SLC7A13: variants seen among roughly 807,000 people sequenced by gnomAD.
SLC7A13 encodes the protein X-amino acid transporter 2.
SLC7A13 carries 31 observed loss-of-function variants against 32.0 expected under a neutral mutation model. The ratio of observed to expected loss-of-function variants is 0.97; its 90% confidence interval spans 0.73 to 1.31. SLC7A13 has a LOEUF of 1.31. Ranked by LOEUF, SLC7A13 falls within the 50% of genes most tolerant of loss-of-function variation. The pLI is 0.00. For synonymous variants in SLC7A13, 232 were observed against 206.9 expected, an observed-to-expected ratio of 1.12 and a Z score of -1.04; for missense variants, 633 against 546.9, an observed-to-expected ratio of 1.16 and a Z score of -1.57.
intron 3 of SLC7A13, among the ~76,000 whole-genome samples, chr8:86,216,356 G>A (rs1820182103): frequency 6.6e-6 from 1 of 152,194 alleles, no homozygotes; most frequent in Non-Finnish European, 1.5e-5. Context: ...ATCCTCTGCA[G>A]ACCACTAGGT....
At chr8:86,223,239 G>A in intron 1 of SLC7A13, 136 bp from the exon 2 acceptor site, 3 of 831,062 alleles carry the variant, frequency 3.6e-6, no homozygotes, top group Non-Finnish European at 5.2e-6. Context: ...AGGTTGTGTG[G>A]TGGTCAAATC....
At chr8:86,215,745 GA>G in intron 3 of SLC7A13, 1 of 399,106 alleles carries the variant, frequency 2.5e-6, no homozygotes, top group Admixed American at 3.1e-5. Flanking sequence ...AAGCGTCCCA[GA>G]AAAAGATACT....
intron 1 of SLC7A13, among the ~76,000 whole-genome samples, chr8:86,223,976 A>T (rs923566553): frequency 1.3e-5 from 2 of 152,168 alleles, no homozygotes; most frequent in African/African-American, 4.8e-5. Flanking sequence ...TTTGAAGCCC[A>T]CTTATGTGTT....
chr8:86,224,533 A>T (rs1354080855), intron 1 of SLC7A13, among the ~76,000 whole-genome samples: 1 of 152,208 alleles, frequency 6.6e-6, no homozygotes, highest in Non-Finnish European at 1.5e-5. Context: ...AGGCCAAAAA[A>T]GTTGATATTT....
At chr8:86,218,065 A>G (rs1820223439) in intron 2 of SLC7A13, among the ~76,000 whole-genome samples, 1 of 152,124 alleles carries the variant, frequency 6.6e-6, no homozygotes, top group African/African-American at 2.4e-5. Flanking sequence ...GTCTTCCCCA[A>G]TAGACCAAGA....
Position 86,217,942 on chromosome 8 carries a change from A to G in SLC7A13, c.818-111T>C, listed in dbSNP as rs983156820. ...AACAGAAACTTAAGTAATTAATAAC[A>G]TTTAGTTTGCTTAATTTTATCATTT... is the stretch of plus-strand genomic sequence containing the variant. On this transcript the variant is annotated intron_variant, in intron 2 of 3. Coordinates refer to ENST00000297524, the MANE Select transcript of SLC7A13 (RefSeq NM_138817.3). The G allele has an allele frequency of 5.1e-6, 6 of 1,183,454 alleles. No individual in the cohort carries two copies. In the Admixed American group the frequency reaches 1.6e-4, roughly 31 times the overall value. 73.3% of individuals were successfully genotyped at this position (1,183,454 alleles called of 1,614,324 possible). A position where few individuals can be genotyped will look rare whatever the true frequency, so the allele number is the denominator to read the frequency against.
rs747247822 is a variant in SLC7A13, at chr8:86,214,618, A to G, written c.1208T>C (p.Ile403Thr). 2 of 1,608,970 alleles carry G rather than the reference A, an allele frequency of 1.2e-6. No individual in the cohort carries two copies. Among genetic ancestry groups the G allele is most frequent in the Admixed American group, 3.4e-5 (2 of 58,604 alleles). Residue 403 changes from isoleucine (I) to threonine (T), a missense_variant, in exon 4 of 4, where the codon ATA becomes ACA. Ile to Thr is a moderately conservative substitution (Grantham distance 89, BLOSUM62 -1). Coordinates refer to ENST00000297524, the MANE Select transcript of SLC7A13 (RefSeq NM_138817.3). The part of the protein sequence containing the change: ...KVFLSFPLAT[I>T]VIDVGLVVIP... ...CACAACCAAGCCCACGTCGATGACT[A>G]TTGTTGCTAATGGAAATGACAAAAA...
chr8:86,217,947 G>T, intron 2 of SLC7A13, 116 bp from the exon 3 acceptor site: 2 of 1,160,314 alleles, frequency 1.7e-6, no homozygotes, highest in East Asian at 2.7e-5. Context: ...ATAACATTTA[G>T]TTTGCTTAAT....
At position 86,214,483 on chromosome 8, in the gene SLC7A13, C is replaced by G. The variant is rs764817369; in HGVS notation, c.1343G>C (p.Trp448Ser). The G allele has an allele frequency of 6.2e-7, 1 of 1,612,428 alleles. No individual in the cohort carries two copies. Among genetic ancestry groups the G allele is most frequent in the Middle Eastern group, 1.7e-4 (1 of 6,054 alleles). ...TAAATAGCAAGTCATCTTCTCAAAC[C>G]AAGCCAATCTTATTTTAAAATGTAT... ...PLIHFKIRLA[W>S]FEKMTCYLQL... Residue 448 changes from tryptophan to serine, a missense_variant, in exon 4 of 4, where the codon TGG becomes TCG. By Grantham distance (177) the Trp-to-Ser change is radical. Coordinates refer to ENST00000297524, the MANE Select transcript of SLC7A13 (RefSeq NM_138817.3).
chr8:86,229,915 C>G lies in SLC7A13; in HGVS notation c.363G>C (p.Gln121His), dbSNP rs1216550558. 2 of 1,614,040 alleles carry G rather than the reference C, an allele frequency of 1.2e-6. No homozygotes were observed. The highest frequency in any genetic ancestry group is 1.7e-6 in the Non-Finnish European group (2 of 1,180,032). The part of the protein sequence containing the change: ...QALLLAEYSI[Q>H]PFFPSCSVPK... Reference sequence around the variant, plus strand: ...GGACAGAGCAGCTGGGAAAAAAAGGCTGGATGCTGTACTCAGCAAGGAGCA... The same window carrying G: ...GGACAGAGCAGCTGGGAAAAAAAGGGTGGATGCTGTACTCAGCAAGGAGCA... Residue 121 changes from glutamine to histidine, a missense_variant, in exon 1 of 4, where the codon CAG becomes CAC. Gln to His is a conservative substitution (Grantham distance 24, BLOSUM62 0). Coordinates refer to ENST00000297524, the MANE Select transcript of SLC7A13 (RefSeq NM_138817.3).
chr8:86,229,766 A>C lies in SLC7A13; in HGVS notation c.512T>G (p.Leu171Arg), dbSNP rs200414005. ...TACTCCAGTTAGGGAAATGAAGCTA[A>C]GTATGGACACTTTCAGCACTGAGCT... The part of the protein sequence containing the change: ...IASSVLKVSI[L>R]SFISLTGVVF... The change falls in exon 1 of 4, where the codon CTT becomes CGT. Residue 171 changes from leucine (L) to arginine (R), a missense_variant. By Grantham distance (102) the Leu-to-Arg change is moderately radical. Transcript: ENST00000297524. 6.2e-7 allele frequency: 1 copy of C among 1,614,118 alleles called. No individual in the cohort carries two copies. The highest frequency in any genetic ancestry group is 8.5e-7 in the Non-Finnish European group (1 of 1,180,056).
intron 2 of SLC7A13, among the ~76,000 whole-genome samples, chr8:86,218,661 T>C (rs953869671): frequency 1.3e-5 from 2 of 152,090 alleles, no homozygotes; most frequent in Admixed American, 6.6e-5. Flanking sequence ...CTACTTTTTT[T>C]TTTTTTTGCT....
chr8:86,224,206 G>T (rs1370183881), intron 1 of SLC7A13, among the ~76,000 whole-genome samples: 1 of 152,166 alleles, frequency 6.6e-6, no homozygotes, highest in Non-Finnish European at 1.5e-5. Context: ...AGTTTCTCTT[G>T]CTATCTGTGT....
intron 1 of SLC7A13, 146 bp downstream of exon 1, chr8:86,229,447 C>G (rs775631256): frequency 2.6e-6 from 2 of 760,062 alleles, no homozygotes; most frequent in African/African-American, 3.6e-5. Context: ...GTAACAAGTG[C>G]CAGGCTGGCA....
At chr8:86,216,727 A>C (rs981605076) in intron 3 of SLC7A13, among the ~76,000 whole-genome samples, 1 of 152,194 alleles carries the variant, frequency 6.6e-6, no homozygotes, top group Non-Finnish European at 1.5e-5. Flanking sequence ...TGTGAGCTTG[A>C]GCAAGTGACC....
Position 86,230,128 on chromosome 8 carries a change from C to T in SLC7A13, c.150G>A (p.Leu50=), listed in dbSNP as rs200318576. The change falls in exon 1 of 4, where the codon CTG becomes CTA. Residue 50 remains leucine (L), a synonymous_variant. Transcript: ENST00000297524. ...AYSCMNVGVS[L]CVWAGCAILA... ...GTATGGCACAGCCAGCCCAAACGCA[C>T]AGGGAGACTCCCACGTTCATGCAAG... The T allele has an allele frequency of 6.2e-7, 1 of 1,614,182 alleles. No homozygotes were observed. The highest frequency in any genetic ancestry group is 2.2e-5 in the East Asian group (1 of 44,874).
At chr8:86,222,929 G>A (rs777635203) in intron 2 of SLC7A13, 43 bp downstream of exon 2, 1 of 1,502,098 alleles carries the variant, frequency 6.7e-7, no homozygotes, top group Non-Finnish European at 8.9e-7. Context: ...TACGTTGAAA[G>A]GACCAGCACT....
Position 86,217,838 on chromosome 8 carries a change from A to G in SLC7A13, c.818-7T>C, listed in dbSNP as rs540593663. 6.6e-7 allele frequency: 1 copy of G among 1,506,448 alleles called. No individual in the cohort carries two copies. The highest frequency in any genetic ancestry group is 1.4e-5 in the African/African-American group (1 of 70,802). 93.3% of individuals were successfully genotyped at this position (1,506,448 alleles called of 1,614,324 possible). A position where few individuals can be genotyped will look rare whatever the true frequency, so the allele number is the denominator to read the frequency against. Reference sequence around the variant, plus strand: ...CATGTGATAGCTACAGCATCTGCAGAAAAACAAAAATACACAAAAGAAAAT... The same window carrying G: ...CATGTGATAGCTACAGCATCTGCAGGAAAACAAAAATACACAAAAGAAAAT... On this transcript the variant is annotated splice_region_variant and splice_polypyrimidine_tract_variant and intron_variant, in intron 2 of 3. Transcript: ENST00000297524.
intron 2 of SLC7A13, 48 bp from the exon 3 acceptor site, chr8:86,217,879 T>C (rs1820219633): frequency 6.8e-7 from 1 of 1,479,428 alleles, no homozygotes; most frequent in Non-Finnish European, 9.0e-7. Context: ...AAAAGAGAAA[T>C]ACTAATGATA....
Sources: gnomAD v4.1 joint callset for allele counts (sites outside exome capture counted in the v4.1 genomes callset) on GRCh38, gnomAD v4.1.1 for gene constraint, MANE v1.5 for transcripts, NCBI Gene and HGNC (gene_info 2026-07-23, HGNC 2026-07-21) for gene names.